Variants in TANC2 observed in about 807,000 individuals in gnomAD.
The protein encoded by TANC2 is protein TANC2.
A neutral mutation model predicts 210.5 loss-of-function variants in TANC2; 26 were observed. That is an observed-to-expected ratio of 0.12 (90% confidence interval 0.09 to 0.17). TANC2 has a LOEUF of 0.17. Ranked by LOEUF, TANC2 falls within the 10% of genes least tolerant of loss-of-function variation. The pLI, the probability that TANC2 is intolerant of heterozygous loss-of-function variation, is 1.00. For missense variants in TANC2, 2,129 were observed against 2,608.9 expected (o/e 0.82, Z 4.01); for synonymous variants, 931 against 967.1 (o/e 0.96, Z 0.69).
intron 14 of TANC2, among the ~76,000 whole-genome samples, chr17:63,357,858 A>G (rs916592165): frequency 6.6e-6 from 1 of 152,158 alleles, no homozygotes; most frequent in Non-Finnish European, 1.5e-5. Flanking sequence ...CTTCTTGCAC[A>G]TTGTTTCTCC....
intron 19 of TANC2, among the ~76,000 whole-genome samples, chr17:63,400,927 A>T (rs1162259149): frequency 6.6e-6 from 1 of 151,994 alleles, no homozygotes; most frequent in Non-Finnish European, 1.5e-5. Flanking sequence ...TGCTAGGGTT[A>T]CAGGTGTGAG....
intron 17 of TANC2, chr17:63,390,440 C>G (rs746188530): frequency 2.0e-5 from 3 of 152,136 alleles, no homozygotes; most frequent in Admixed American, 6.5e-5. Flanking sequence ...CTGTGACATC[C>G]CATTCATTTG....
chr17:63,203,879 T>G (rs892547797), intron 7 of TANC2, among the ~76,000 whole-genome samples: 2 of 151,880 alleles, frequency 1.3e-5, no homozygotes, highest in African/African-American at 4.8e-5. Flanking sequence ...CCAAGGAAGG[T>G]GTGTGGAAAG....
At chr17:63,422,695 A>C (rs905483990) in exon 28 of TANC2, 2 of 152,246 alleles carry the variant, frequency 1.3e-5, no homozygotes, top group Non-Finnish European at 2.9e-5. Flanking sequence ...AATTGTGGCT[A>C]TTAAGAGAAT....
At chr17:63,361,548 C>T (rs1184731903) in intron 14 of TANC2, among the ~76,000 whole-genome samples, 1 of 152,202 alleles carries the variant, frequency 6.6e-6, no homozygotes, top group Non-Finnish European at 1.5e-5. Flanking sequence ...CACGTCTGGA[C>T]AAGGGGAATG....
chr17:63,287,887 G>A (rs1344136104), intron 9 of TANC2, among the ~76,000 whole-genome samples: 1 of 152,064 alleles, frequency 6.6e-6, no homozygotes, highest in Non-Finnish European at 1.5e-5. Flanking sequence ...TGTTGGCCAG[G>A]CTGGGTCTCG....
intron 5 of TANC2, among the ~76,000 whole-genome samples, chr17:63,187,492 T>G (rs1598563238): frequency 6.6e-6 from 1 of 152,280 alleles, no homozygotes; most frequent in Middle Eastern, 3.4e-3. Context: ...TAGCTATTAT[T>G]ATAGCTAATA....
chr17:63,246,699 CTATT>C (rs1407896313), intron 8 of TANC2, among the ~76,000 whole-genome samples: 1 of 152,044 alleles, frequency 6.6e-6, no homozygotes, highest in Admixed American at 6.6e-5. Flanking sequence ...CATATTATGT[CTATT>C]CATTTACCAT....
At chr17:62,988,162 C>G (rs1448189980) in intron 1 of TANC2, among the ~76,000 whole-genome samples, 2 of 152,114 alleles carry the variant, frequency 1.3e-5, no homozygotes, top group South Asian at 2.1e-4. Flanking sequence ...TAGTCTTGCT[C>G]TGTCACCCAG....
chr17:63,419,622 GT>G (rs936168265), intron 27 of TANC2, among the ~76,000 whole-genome samples: 13 of 152,136 alleles, frequency 8.5e-5, no homozygotes, highest in Non-Finnish European at 1.0e-4. Context: ...TAAATATGTA[GT>G]TTTTTTTGTT....
intron 14 of TANC2, among the ~76,000 whole-genome samples, chr17:63,365,656 C>G (rs1234252528): frequency 6.6e-6 from 1 of 152,124 alleles, no homozygotes; most frequent in Non-Finnish European, 1.5e-5. Context: ...CCCTCTTATT[C>G]ACAATTTTCT....
chr17:63,384,993 T>C (rs942916305), intron 15 of TANC2, among the ~76,000 whole-genome samples: 2 of 152,196 alleles, frequency 1.3e-5, no homozygotes, highest in African/African-American at 4.8e-5. Flanking sequence ...ACATGAACTT[T>C]AGAGTAAAAA....
At chr17:63,192,971 A>G (rs2041233776) in intron 5 of TANC2, among the ~76,000 whole-genome samples, 1 of 152,216 alleles carries the variant, frequency 6.6e-6, no homozygotes, top group Non-Finnish European at 1.5e-5. Context: ...ACAGTGAAAT[A>G]GAGCCCCAGA....
At chr17:63,268,610 C>A (rs2043601578) in intron 9 of TANC2, among the ~76,000 whole-genome samples, 1 of 152,142 alleles carries the variant, frequency 6.6e-6, no homozygotes, top group Non-Finnish European at 1.5e-5. Context: ...GAATTTTTTT[C>A]ATTTTTGTTT....
At chr17:63,426,972 A>G (rs980704309) in exon 28 of TANC2, 2 of 152,148 alleles carry the variant, frequency 1.3e-5, no homozygotes, top group Non-Finnish European at 2.9e-5. Flanking sequence ...ATACCAATTT[A>G]CTGGGGGGAA....
Position 63,038,187 on chromosome 17 carries a change from A to T in TANC2, c.67+28561A>T, listed in dbSNP as rs142099500. ...TTTATGGATGTTCTTTATCAAGTTG[A>T]AGTAGTTCCCCTGTATTCCTAGTTT... On this transcript the variant is annotated intron_variant, in intron 2 of 27. Coordinates refer to ENST00000689528, the Ensembl canonical transcript of TANC2. Among the ~76,000 whole-genome samples the T allele has an allele frequency of 2.0e-5, 3 of 152,270 alleles. No individual in the cohort carries two copies. The East Asian group carries it at 5.8e-4, about 29-fold the overall frequency.
intron 7 of TANC2, 48 bp from the exon 8 acceptor site, chr17:63,237,766 C>T: frequency 1.4e-6 from 2 of 1,472,314 alleles, no homozygotes; most frequent in Non-Finnish European, 9.0e-7. Flanking sequence ...AGATTAATAA[C>T]TGTATGTATG....
chr17:63,264,960 A>C (rs2043480396), intron 8 of TANC2, among the ~76,000 whole-genome samples: 1 of 152,126 alleles, frequency 6.6e-6, no homozygotes, highest in African/African-American at 2.4e-5. Flanking sequence ...CTTCGTCTCA[A>C]AAAAAAGGAA....
intron 26 of TANC2, among the ~76,000 whole-genome samples, chr17:63,416,987 C>G (rs2048884015): frequency 1.3e-5 from 2 of 152,238 alleles, no homozygotes; most frequent in Non-Finnish European, 2.9e-5. Context: ...TCTCTTTTCC[C>G]TACCAAATAA....
Sources: allele counts gnomAD v4.1 joint callset (sites outside exome capture counted in the v4.1 genomes callset), GRCh38; gene constraint gnomAD v4.1.1; transcripts MANE v1.5; gene names NCBI Gene and HGNC (gene_info 2026-07-23, HGNC 2026-07-21).